The following VAV2 variants were observed in gnomAD, a reference collection of about 807,000 sequenced individuals.
The protein encoded by VAV2 is guanine nucleotide exchange factor VAV2.
VAV2 carries 67 observed loss-of-function variants against 132.5 expected under a neutral mutation model. That is an observed-to-expected ratio of 0.51 (90% confidence interval 0.42 to 0.62). The LOEUF is 0.62. Ranked by LOEUF, VAV2 falls within the 20% of genes least tolerant of loss-of-function variation. The pLI, the probability that VAV2 is intolerant of heterozygous loss-of-function variation, is 0.00. For missense variants in VAV2, 938 were observed against 1,153.6 expected (o/e 0.81, Z 2.71); for synonymous variants, 492 against 443.5 (o/e 1.11, Z -1.37).
At chr9:133,971,080 T>A (rs1842317493) in intron 1 of VAV2, among the ~76,000 whole-genome samples, 1 of 151,898 alleles carries the variant, frequency 6.6e-6, no homozygotes, top group Admixed American at 6.6e-5. Flanking sequence ...CTGCGGGGAG[T>A]GGGGACACCA....
chr9:133,767,531 A>G (rs1405508177), intron 29 of VAV2, among the ~76,000 whole-genome samples: 5 of 152,344 alleles, frequency 3.3e-5, no homozygotes, highest in Admixed American at 2.6e-4. Flanking sequence ...TTTTAATGCC[A>G]ATCACACAAG....
At chr9:133,989,002 G>C (rs181257983) in intron 1 of VAV2, among the ~76,000 whole-genome samples, 2 of 152,128 alleles carry the variant, frequency 1.3e-5, no homozygotes, top group Non-Finnish European at 2.9e-5. Context: ...ACAAGGACAG[G>C]AGTTCGAGCC....
At chr9:133,902,328 G>A (rs1200247686) in intron 2 of VAV2, among the ~76,000 whole-genome samples, 1 of 152,232 alleles carries the variant, frequency 6.6e-6, no homozygotes, top group East Asian at 1.9e-4. Flanking sequence ...GCCCCACGAA[G>A]GCAGAGCCCT....
rs554118934 is a variant in VAV2, at chr9:133,911,711, T to TCA, written c.321+27390_321+27391dup. ...CCCCATCAACCTCCTGACCTCTGCATCACACACACACTAAAGACGCCATGT... is the reference window on the plus strand; with the variant it reads ...CCCCATCAACCTCCTGACCTCTGCATCACACACACACACTAAAGACGCCATGT... On this transcript the variant is annotated intron_variant, in intron 2 of 29. Transcript: ENST00000371850. 2.0e-5 allele frequency among the ~76,000 whole-genome samples: 3 copies of TCA among 152,292 alleles called. No individual in the cohort carries two copies. The East Asian group carries it at 5.8e-4, about 29-fold the overall frequency.
At chr9:133,859,849 T>C (rs1837528520) in intron 3 of VAV2, among the ~76,000 whole-genome samples, 2 of 152,176 alleles carry the variant, frequency 1.3e-5, no homozygotes, top group Admixed American at 1.3e-4. Flanking sequence ...AGCTGGAAAA[T>C]AGCCTATGCA....
At chr9:133,895,488 G>A (rs983750156) in intron 2 of VAV2, among the ~76,000 whole-genome samples, 8 of 152,240 alleles carry the variant, frequency 5.3e-5, no homozygotes, top group Admixed American at 2.6e-4. Context: ...TCACGCCGAC[G>A]TGAAAAGGAG....
intron 29 of VAV2, among the ~76,000 whole-genome samples, chr9:133,766,744 CT>C (rs1833444886): frequency 1.2e-5 from 1 of 86,228 alleles, no homozygotes; most frequent in African/African-American, 5.1e-5. Context: ...TACCCTAGAA[CT>C]TAAAGTATAA....
intron 2 of VAV2, among the ~76,000 whole-genome samples, chr9:133,910,127 T>C (rs1048150537): frequency 1.3e-5 from 2 of 152,162 alleles, no homozygotes; most frequent in African/African-American, 4.8e-5. Flanking sequence ...GCCCTCTCTA[T>C]TGCCTAGAAT....
rs550514227 is a variant in VAV2 at position 133,826,494 on chromosome 9, G to A, written c.449+7778C>T. ...TCACTCCCTCCTCATGCAGCCACCG[G>A]AGTGGCGGGGTGCCTTCCCACAGCA... is the stretch of plus-strand genomic sequence containing the variant. On this transcript the variant is annotated intron_variant, in intron 4 of 29. Coordinates refer to ENST00000371850, the MANE Select transcript of VAV2 (RefSeq NM_001134398.2). This position sits in a 1 kb window ranked among gnomAD's most constrained non-coding sequence, Gnocchi z 4.2. Among the ~76,000 whole-genome samples the A allele has an allele frequency of 5.1e-4, 77 of 152,270 alleles. No homozygotes were observed. Among genetic ancestry groups the A allele is most frequent in the Non-Finnish European group, 8.5e-4 (58 of 68,002 alleles).
rs943295779 is a variant in VAV2, at chr9:133,919,554, G to C, written c.321+19549C>G. Among the ~76,000 whole-genome samples, 3 of 152,130 alleles carry C rather than the reference G, an allele frequency of 2.0e-5. No individual in the cohort carries two copies. The highest frequency in any genetic ancestry group is 6.5e-5 in the Admixed American group (1 of 15,276). Reference sequence around the variant, plus strand: ...AGGCTGTTCTAAGCCACGGGTCAAGGGCTGCCCACTCAGCAAGGGAAGCCA... The same window carrying C: ...AGGCTGTTCTAAGCCACGGGTCAAGCGCTGCCCACTCAGCAAGGGAAGCCA... On this transcript the variant is annotated intron_variant, in intron 2 of 29. Transcript: ENST00000371850. The surrounding 1 kb of genome is among the most constrained non-coding windows in gnomAD (Gnocchi z 5.8).
intron 2 of VAV2, among the ~76,000 whole-genome samples, chr9:133,872,807 G>A (rs547372553): frequency 8.5e-5 from 13 of 152,156 alleles, no homozygotes; most frequent in East Asian, 5.8e-4. Flanking sequence ...CTCAAGAAGC[G>A]GGGCAGATGG....
chr9:133,880,997 C>G (rs1013379009), intron 2 of VAV2, among the ~76,000 whole-genome samples: 1 of 152,172 alleles, frequency 6.6e-6, no homozygotes, highest in African/African-American at 2.4e-5. Flanking sequence ...GTCAGGTGCT[C>G]CCGGGGGCAG....
At chr9:133,939,618 CGCACCCAGCACAT>C (rs1209382577) in intron 1 of VAV2, among the ~76,000 whole-genome samples, 2 of 152,364 alleles carry the variant, frequency 1.3e-5, no homozygotes, top group Non-Finnish European at 1.5e-5. Flanking sequence ...CTCTCCCAGG[CGCACCCAGCACAT>C]GTCGAGGCCG....
At chr9:133,781,908 A>G (rs1834021237) in intron 19 of VAV2, among the ~76,000 whole-genome samples, 1 of 152,204 alleles carries the variant, frequency 6.6e-6, no homozygotes. Context: ...CCAACTACAC[A>G]TACTAAGAAA....
intron 29 of VAV2, among the ~76,000 whole-genome samples, chr9:133,767,220 A>G (rs999726469): frequency 6.6e-6 from 1 of 152,204 alleles, no homozygotes; most frequent in Non-Finnish European, 1.5e-5. Flanking sequence ...CCAACTATTT[A>G]TAAGAAATCC....
At chr9:133,789,970 C>T (rs887229677) in intron 13 of VAV2, among the ~76,000 whole-genome samples, 4 of 152,184 alleles carry the variant, frequency 2.6e-5, no homozygotes, top group Admixed American at 6.5e-5. Flanking sequence ...GGGAGGTGCT[C>T]GAGGCACAGG....
At chr9:133,959,906 G>A (rs1017518903) in intron 1 of VAV2, among the ~76,000 whole-genome samples, 3 of 152,346 alleles carry the variant, frequency 2.0e-5, no homozygotes, top group South Asian at 2.1e-4. Flanking sequence ...CAGCCCTGAT[G>A]TCCCTGAGAA....
At chr9:133,846,861 G>A (rs576553509) in intron 3 of VAV2, among the ~76,000 whole-genome samples, 1 of 152,360 alleles carries the variant, frequency 6.6e-6, no homozygotes, top group Admixed American at 6.5e-5. Context: ...CCCAGTGATC[G>A]GGTCACCAGG....
At position 133,827,205 on chromosome 9, in the gene VAV2, G is replaced by A. The variant is rs1479799318; in HGVS notation, c.449+7067C>T. Among the ~76,000 whole-genome samples, 4 of 140,714 alleles carry A rather than the reference G, an allele frequency of 2.8e-5. 1 individual carries two copies. Among genetic ancestry groups the A allele is most frequent in the Non-Finnish European group, 6.3e-5 (4 of 63,202 alleles). The allele number at this position is 140,714 out of a possible 152,430, so 92.3% of individuals were successfully genotyped here. On this transcript the variant is annotated intron_variant, in intron 4 of 29. Coordinates refer to ENST00000371850, the MANE Select transcript of VAV2 (RefSeq NM_001134398.2). The stretch of plus-strand genomic sequence containing the variant: ...CCCACTGGGGCTGACCACTGAGCAT[G>A]GGCATCGCCAGCTACTGCTGTGCCC...
Sources: allele counts gnomAD v4.1 joint callset (sites outside exome capture counted in the v4.1 genomes callset), GRCh38; gene constraint gnomAD v4.1.1; non-coding constraint Gnocchi (gnomAD v3.1); transcripts MANE v1.5; gene names NCBI Gene and HGNC (gene_info 2026-07-23, HGNC 2026-07-21).